Variants in SAMD11 observed in about 807,000 individuals in gnomAD.
The protein encoded by SAMD11 is sterile alpha motif domain-containing protein 11.
SAMD11 carries 77 observed loss-of-function variants against 64.4 expected under a neutral mutation model. The ratio of observed to expected loss-of-function variants is 1.20; its 90% CI spans 0.99 to 1.44. The LOEUF is 1.44. SAMD11 is among the 40% of genes most tolerant of loss of function. The pLI is 0.00. For synonymous variants in SAMD11, 658 were observed against 421.9 expected (o/e 1.56, Z -6.86); for missense variants, 1,402 against 943.3 (o/e 1.49, Z -6.37).
rs1569853470 is a variant in SAMD11, at chr1:924,237, C to T, written c.-195C>T. 6.7e-6 allele frequency: 1 copy of T among 149,736 alleles called. No homozygotes were observed. The highest frequency in any genetic ancestry group is 1.5e-5 in the Non-Finnish European group (1 of 67,162). The allele number at this position is 149,736 out of a possible 1,614,324, so 9.3% of individuals were successfully genotyped here. ...TCCATGTCTCCGGCCTCTGAGGCCC[C>T]GCCGGCCGGCTGGGCAGTCCGGGGA... is the stretch of plus-strand genomic sequence containing the variant. On this transcript the variant is annotated 5_prime_UTR_variant, in exon 1 of 14. Transcript: ENST00000616016.
intron 1 of SAMD11, among the ~76,000 whole-genome samples, chr1:925,398 A>G (rs61338526): frequency 0.79 from 118,770 of 150,094 alleles, 51,335 homozygotes; most frequent in Non-Finnish European, 0.98. Context: ...GCCAGGTCAC[A>G]CAACCTGTTT....
Position 942,725 on chromosome 1 carries a change from CCCCCCCAGGGG to C in SAMD11, c.1726_1736del (p.Gln576GlyfsTer38). The C allele has an allele frequency of 6.9e-7, 1 of 1,458,750 alleles. No homozygotes were observed. Among genetic ancestry groups the C allele is most frequent in the Non-Finnish European group, 9.0e-7 (1 of 1,115,766 alleles). 90.4% of individuals were successfully genotyped at this position (1,458,750 alleles called of 1,614,324 possible). ...CGGCGCGGCGCCACTGCTGGCCCTG[CCCCCCCAGGGG>C]CCCCCGGGCTCCGGACCCCCCACCC... On this transcript the variant is annotated frameshift_variant, in exon 11 of 14. Transcript: ENST00000616016. LOFTEE classifies it high-confidence loss of function.
At chr1:936,973 G>T (rs918448736) in intron 5 of SAMD11, among the ~76,000 whole-genome samples, 3 of 152,154 alleles carry the variant, frequency 2.0e-5, no homozygotes, top group African/African-American at 2.4e-5. Context: ...CTGTGTCTGG[G>T]GTCCTGTGGG....
At chr1:939,009 A>T in intron 5 of SAMD11, 31 bp from the exon 6 acceptor site, 1 of 1,553,430 alleles carries the variant, frequency 6.4e-7, no homozygotes, top group Non-Finnish European at 8.8e-7. Context: ...ATTCCTTGAG[A>T]TGCAGGTGGG....
intron 7 of SAMD11, among the ~76,000 whole-genome samples, chr1:939,628 C>G (rs1246891898): frequency 2.6e-5 from 4 of 152,194 alleles, no homozygotes; most frequent in Non-Finnish European, 5.9e-5. Context: ...TCCATGTCCC[C>G]TAGGTCCCCA....
intron 4 of SAMD11, among the ~76,000 whole-genome samples, chr1:932,733 G>A (rs2001729): frequency 0.048 from 7,310 of 152,306 alleles, 433 homozygotes; most frequent in East Asian, 0.32. Flanking sequence ...CCATCTGTCC[G>A]TCTGTCCTTC....
chr1:938,178 G>GT (rs1454037477), intron 5 of SAMD11, among the ~76,000 whole-genome samples: 1 of 151,990 alleles, frequency 6.6e-6, no homozygotes, highest in Non-Finnish European at 1.5e-5. Flanking sequence ...TCTGGAATGG[G>GT]TGCGGTCGGC....
chr1:936,612 C>T (rs777023171), intron 5 of SAMD11, among the ~76,000 whole-genome samples: 38 of 151,732 alleles, frequency 2.5e-4, no homozygotes, highest in Non-Finnish European at 4.6e-4. Flanking sequence ...TGAAAGGAGG[C>T]GGGGGCGCCC....
At chr1:928,037 C>T (rs1023409242) in intron 2 of SAMD11, among the ~76,000 whole-genome samples, 3 of 152,250 alleles carry the variant, frequency 2.0e-5, no homozygotes, top group African/African-American at 4.8e-5. Flanking sequence ...CCTTGCTTCC[C>T]TCTCTTCCCC....
At chr1:925,389 C>T (rs1465282027) in intron 1 of SAMD11, among the ~76,000 whole-genome samples, 5 of 127,268 alleles carry the variant, frequency 3.9e-5, no homozygotes, top group Non-Finnish European at 7.2e-5. Flanking sequence ...AGCGGCGGCG[C>T]CAGGTCACAC....
chr1:943,992 G>C lies in SAMD11; in HGVS notation c.2374G>C (p.Glu792Gln). Residue 792 changes from glutamate (E) to glutamine (Q), a missense_variant, in exon 14 of 14, where the codon GAG becomes CAG. Transcript: ENST00000616016. ...GCAGCCACCAACCCTGCGGGCCCCGGAGCGAGAACTCGGCACAGGAGAGCA... is the reference window on the plus strand; with the variant it reads ...GCAGCCACCAACCCTGCGGGCCCCGCAGCGAGAACTCGGCACAGGAGAGCA... Reference protein sequence around the residue: ...PLQPPTLRAPERELGTGEQPL... With the variant: ...PLQPPTLRAPQRELGTGEQPL... The C allele has an allele frequency of 6.2e-7, 1 of 1,612,846 alleles. No homozygotes were observed. The highest frequency in any genetic ancestry group is 1.3e-5 in the African/African-American group (1 of 75,052).
At chr1:941,097 A>G in intron 7 of SAMD11, 47 bp from the exon 8 acceptor site, 2 of 1,517,874 alleles carry the variant, frequency 1.3e-6, no homozygotes, top group Non-Finnish European at 1.8e-6. Flanking sequence ...GCTGGGGAGG[A>G]TGAGGGCGCA....
intron 11 of SAMD11, 42 bp from the exon 12 acceptor site, chr1:943,185 CGACGGTCAGGAGACGGGCGGGTATGG>C (rs1295550765): frequency 4.4e-6 from 7 of 1,605,506 alleles, no homozygotes; most frequent in Non-Finnish European, 6.0e-6. Flanking sequence ...TTGGGGCACA[CGACGGTCAGGAGACGGGCGGGTATGG>C]GAAAGCCAGC....
rs745315322 is a variant in SAMD11, at chr1:942,504, C to T, written c.1553+16C>T. The T allele has an allele frequency of 3.4e-6, 5 of 1,453,664 alleles. No homozygotes were observed. Among genetic ancestry groups the T allele is most frequent in the Non-Finnish European group, 2.7e-6 (3 of 1,109,168 alleles). The allele number at this position is 1,453,664 out of a possible 1,614,324, so 90.0% of individuals were successfully genotyped here. ...ACCTGGCCCGGTAGGTGCGGGGAGG[C>T]GGGCGGGGCCGCGCGGCCCGGGAGG... On this transcript the variant is annotated intron_variant, in intron 10 of 13. Coordinates refer to ENST00000616016, the MANE Select transcript of SAMD11 (RefSeq NM_001385641.1).
chr1:935,952 T>G, intron 5 of SAMD11, 56 bp downstream of exon 5: 1 of 1,571,998 alleles, frequency 6.4e-7, no homozygotes, highest in Non-Finnish European at 8.7e-7. Context: ...CAGAGGACGG[T>G]GGCGTCTCCA....
intron 11 of SAMD11, 69 bp downstream of exon 11, chr1:943,127 T>TG (rs1041742166): frequency 2.5e-6 from 4 of 1,570,898 alleles, no homozygotes; most frequent in Non-Finnish European, 3.5e-6. Flanking sequence ...GGAAGGGTCT[T>TG]GGGGGGAGGA....
chr1:936,729 C>G (rs534998057), intron 5 of SAMD11, among the ~76,000 whole-genome samples: 1 of 152,278 alleles, frequency 6.6e-6, no homozygotes, highest in South Asian at 2.1e-4. Context: ...ATCCATGGCC[C>G]CCATCCGCGT....
At chr1:936,240 C>T (rs1178377637) in intron 5 of SAMD11, among the ~76,000 whole-genome samples, 1 of 151,418 alleles carries the variant, frequency 6.6e-6, no homozygotes, top group East Asian at 1.9e-4. Flanking sequence ...TGACTGGTCC[C>T]GCCTCCTAGG....
At chr1:943,878 G>A (rs190531469) in intron 13 of SAMD11, 30 bp from the exon 14 acceptor site, 34 of 1,612,840 alleles carry the variant, frequency 2.1e-5, no homozygotes, top group Admixed American at 3.3e-5. Context: ...GTGGGTGTGC[G>A]ACAGCCCCCA....
Sources: gnomAD v4.1 joint callset for allele counts (sites outside exome capture counted in the v4.1 genomes callset) on GRCh38, gnomAD v4.1.1 for gene constraint, MANE v1.5 for transcripts, NCBI Gene and HGNC (gene_info 2026-07-23, HGNC 2026-07-21) for gene names.